The following ZYG11A variants were observed in gnomAD, a reference collection of about 807,000 sequenced individuals.
ZYG11A encodes protein zyg-11 homolog A.
Under a neutral mutation model 77.2 loss-of-function variants are expected in ZYG11A, and 62 were observed. The observed-to-expected ratio is 0.80, with a 90% CI of 0.65 to 0.99. ZYG11A has a LOEUF of 0.99. Among genes scored for constraint, ZYG11A ranks in the 50% least tolerant of loss-of-function variants. The pLI is 0.00. For synonymous variants in ZYG11A, 315 were observed against 324.6 expected, an observed-to-expected ratio of 0.97 and a Z score of 0.32; for missense variants, 828 against 896.8, an observed-to-expected ratio of 0.92 and a Z score of 0.98.
At position 52,854,646 on chromosome 1, in the gene ZYG11A, CT is replaced by C. The variant is rs1387945999; in HGVS notation, c.256+17del. The stretch of plus-strand genomic sequence containing the variant: ...ACTTGGCAAGGTAGTGATAAGGCTT[CT>C]CTAAAGTCAGCTCTTGCAGTACTTT... On this transcript the variant is annotated intron_variant, in intron 2 of 13. Transcript: ENST00000371528. The C allele has an allele frequency of 6.7e-7, 1 of 1,500,530 alleles. No homozygotes were observed. Among genetic ancestry groups the C allele is most frequent in the East Asian group, 2.5e-5 (1 of 39,736 alleles). 93.0% of individuals were successfully genotyped at this position (1,500,530 alleles called of 1,614,324 possible).
At chr1:52,843,061 G>A (rs922282364) in intron 1 of ZYG11A, 88 bp downstream of exon 1, 2 of 1,194,936 alleles carry the variant, frequency 1.7e-6, no homozygotes, top group African/African-American at 1.6e-5. Context: ...ACGCTGCCGA[G>A]GCACTTGCTG....
intron 13 of ZYG11A, among the ~76,000 whole-genome samples, chr1:52,890,241 TTC>T (rs1182667279): frequency 4.7e-5 from 7 of 149,032 alleles, no homozygotes; most frequent in African/African-American, 1.5e-4. Context: ...GAAAAATATT[TTC>T]TTTTAGTTTT....
rs377270503 is a variant in ZYG11A, at chr1:52,869,862, C to T, written c.1542+2085C>T. ...CTCACCTCCCGGACGGGACGGCTGA[C>T]CCCCCCACACCTCCCTCCCGGACGG... On this transcript the variant is annotated intron_variant, in intron 8 of 13. Transcript: ENST00000371528. Among the ~76,000 whole-genome samples the T allele has an allele frequency of 3.4e-5, 5 of 148,284 alleles. No individual in the cohort carries two copies. In the East Asian group the frequency reaches 8.3e-4, roughly 25 times the overall value.
At chr1:52,867,803 C>G in intron 8 of ZYG11A, 26 bp downstream of exon 8, 4 of 1,534,638 alleles carry the variant, frequency 2.6e-6, no homozygotes, top group Non-Finnish European at 2.6e-6. Flanking sequence ...TGTTCATAAC[C>G]TTTTTTTAAA....
At chr1:52,849,909 C>T (rs1354379736) in intron 1 of ZYG11A, among the ~76,000 whole-genome samples, 1 of 151,958 alleles carries the variant, frequency 6.6e-6, no homozygotes, top group Admixed American at 6.6e-5. Context: ...TGATCTCCAT[C>T]TGCCGACCTC....
intron 8 of ZYG11A, 121 bp from the exon 9 acceptor site, chr1:52,877,561 A>G (rs1398085529): frequency 4.3e-6 from 3 of 694,398 alleles, no homozygotes; most frequent in East Asian, 5.5e-5. Flanking sequence ...TCACACAGCT[A>G]CTAAGTGGCA....
At chr1:52,871,577 A>G (rs1179969285) in intron 8 of ZYG11A, among the ~76,000 whole-genome samples, 2 of 151,370 alleles carry the variant, frequency 1.3e-5, no homozygotes, top group African/African-American at 2.4e-5. Context: ...GCTCACTGCA[A>G]CCTCTGTCTC....
chr1:52,883,437 GA>G (rs983795525), intron 11 of ZYG11A, among the ~76,000 whole-genome samples: 1 of 147,136 alleles, frequency 6.8e-6, no homozygotes, highest in African/African-American at 2.5e-5. Flanking sequence ...TTAAAAAAAA[GA>G]TTTTTTTTTT....
intron 8 of ZYG11A, among the ~76,000 whole-genome samples, chr1:52,868,564 G>A (rs1003682451): frequency 3.1e-4 from 47 of 151,928 alleles, no homozygotes; most frequent in East Asian, 1.2e-3. Context: ...GGTGGATCAC[G>A]AGGTCAGGAG....
intron 8 of ZYG11A, among the ~76,000 whole-genome samples, chr1:52,874,067 T>C (rs1646218331): frequency 6.7e-6 from 1 of 149,164 alleles, no homozygotes; most frequent in Non-Finnish European, 1.5e-5. Context: ...GCAAACATCA[T>C]TGCTATCTTA....
chr1:52,878,294 G>A (rs1646298361), intron 10 of ZYG11A, among the ~76,000 whole-genome samples: 1 of 152,140 alleles, frequency 6.6e-6, no homozygotes, highest in South Asian at 2.1e-4. Context: ...GTCATCTGGT[G>A]GCTTGACTGG....
intron 10 of ZYG11A, chr1:52,881,224 A>G: frequency 3.5e-6 from 1 of 289,796 alleles, no homozygotes; most frequent in Non-Finnish European, 6.4e-6. Flanking sequence ...GGTAGATAAA[A>G]AGACAATTTT....
chr1:52,859,667 C>CTTTTTTTTTTTTT (rs60756718), intron 3 of ZYG11A, among the ~76,000 whole-genome samples: 1 of 42,906 alleles, frequency 2.3e-5, no homozygotes. Flanking sequence ...TGTGTATTGC[C>CTTTTTTTTTTTTT]TTTTTTTTTT....
rs1470416284 is a variant in ZYG11A at position 52,863,938 on chromosome 1, A to G, written c.1150-43A>G. On this transcript the variant is annotated intron_variant, in intron 4 of 13. Transcript: ENST00000371528. ...AAACATGCACAAGACAGCATAGAGAATGTTACTGGCATCATATGCACTAAA... is the reference window on the plus strand; with the variant it reads ...AAACATGCACAAGACAGCATAGAGAGTGTTACTGGCATCATATGCACTAAA... 4 of 1,505,398 alleles carry G rather than the reference A, an allele frequency of 2.7e-6. No homozygotes were observed. In the Admixed American group the frequency reaches 6.2e-5, roughly 24 times the overall value. The allele number at this position is 1,505,398 out of a possible 1,614,324, so 93.3% of individuals were successfully genotyped here. A position where few individuals can be genotyped will look rare whatever the true frequency, so the allele number is the denominator to read the frequency against.
chr1:52,868,858 A>AT (rs979282091), intron 8 of ZYG11A, among the ~76,000 whole-genome samples: 26 of 150,818 alleles, frequency 1.7e-4, no homozygotes, highest in South Asian at 8.4e-4. Context: ...TATTATATGA[A>AT]TTTTTTTTTT....
rs1340107306 is a variant in ZYG11A, at chr1:52,894,195, C to T, written c.*1238C>T. ...TGTGTATGTGAGTGAGCTTGTAGGGCGTGGTGGGACTTAGGCATTTGCAGA... is the reference window on the plus strand; with the variant it reads ...TGTGTATGTGAGTGAGCTTGTAGGGTGTGGTGGGACTTAGGCATTTGCAGA... On this transcript the variant is annotated 3_prime_UTR_variant, in exon 14 of 14. Transcript: ENST00000371528. The T allele has an allele frequency of 1.3e-5, 2 of 152,016 alleles. No homozygotes were observed. Among genetic ancestry groups the T allele is most frequent in the Non-Finnish European group, 2.9e-5 (2 of 67,998 alleles). The allele number at this position is 152,016 out of a possible 1,614,324, so 9.4% of individuals were successfully genotyped here. A position where few individuals can be genotyped will look rare whatever the true frequency, so the allele number is the denominator to read the frequency against.
At chr1:52,843,441 G>A (rs977193528) in intron 1 of ZYG11A, among the ~76,000 whole-genome samples, 1 of 152,326 alleles carries the variant, frequency 6.6e-6, no homozygotes, top group Non-Finnish European at 1.5e-5. Context: ...CCGCGGAGGC[G>A]GTGACCCTTT....
intron 8 of ZYG11A, among the ~76,000 whole-genome samples, chr1:52,870,580 T>A (rs1183825134): frequency 2.0e-5 from 3 of 152,224 alleles, no homozygotes; most frequent in African/African-American, 4.8e-5. Context: ...CATTGAGCGC[T>A]GAGTGAACGA....
At chr1:52,885,461 C>T (rs898751967) in intron 11 of ZYG11A, among the ~76,000 whole-genome samples, 1 of 151,818 alleles carries the variant, frequency 6.6e-6, no homozygotes, top group Non-Finnish European at 1.5e-5. Context: ...GCCTTGGCCT[C>T]CCAAAGTGCT....
Sources: gnomAD v4.1 joint callset for allele counts (sites outside exome capture counted in the v4.1 genomes callset) on GRCh38, gnomAD v4.1.1 for gene constraint, MANE v1.5 for transcripts, NCBI Gene and HGNC (gene_info 2026-07-23, HGNC 2026-07-21) for gene names.